Variants in CSGALNACT1 observed in about 807,000 individuals in gnomAD.
The protein encoded by CSGALNACT1 is beta4GalNAcT-1.
Under a neutral mutation model 51.0 loss-of-function variants are expected in CSGALNACT1, and 52 were observed. The observed-to-expected ratio is 1.02, with a 90% CI of 0.82 to 1.29. CSGALNACT1 has a LOEUF of 1.29. Among genes scored for constraint, CSGALNACT1 ranks in the 50% most tolerant of loss-of-function variants. The pLI is 0.00. For synonymous variants in CSGALNACT1, 341 were observed against 254.4 expected (o/e 1.34, Z -3.24); for missense variants, 935 against 679.2 (o/e 1.38, Z -4.19).
intron 6 of CSGALNACT1, among the ~76,000 whole-genome samples, chr8:19,436,840 G>T (rs1464648730): frequency 6.6e-6 from 1 of 152,232 alleles, no homozygotes; most frequent in African/African-American, 2.4e-5. Context: ...GAGCCCAGGA[G>T]TTGGAGGGTG....
At chr8:19,516,616 G>T (rs1305264825) in intron 3 of CSGALNACT1, among the ~76,000 whole-genome samples, 1 of 152,186 alleles carries the variant, frequency 6.6e-6, no homozygotes, top group Admixed American at 6.5e-5. Context: ...CCCCATCCCG[G>T]TGTGAGCCTT....
chr8:19,752,187 TAATA>T (rs1016937685), intron 1 of CSGALNACT1, among the ~76,000 whole-genome samples: 2 of 148,374 alleles, frequency 1.3e-5, no homozygotes, highest in African/African-American at 4.9e-5. Context: ...ATATCTTATA[TAATA>T]TATACTATAT....
At chr8:19,414,612 C>CT (rs1247626641) in intron 8 of CSGALNACT1, among the ~76,000 whole-genome samples, 2 of 152,050 alleles carry the variant, frequency 1.3e-5, no homozygotes, top group Non-Finnish European at 2.9e-5. Context: ...CACACACACA[C>CT]ACACTATCAT....
chr8:19,642,403 T>C (rs2056832354), intron 1 of CSGALNACT1, among the ~76,000 whole-genome samples: 1 of 151,650 alleles, frequency 6.6e-6, no homozygotes, highest in South Asian at 2.1e-4. Context: ...ATGAAACAGA[T>C]CAACAAAACT....
chr8:19,696,555 A>T (rs936473097), intron 1 of CSGALNACT1, among the ~76,000 whole-genome samples: 19 of 152,314 alleles, frequency 1.2e-4, no homozygotes, highest in African/African-American at 4.6e-4. Context: ...CAGTAGCTAC[A>T]GTGGTTATGA....
At chr8:19,649,378 T>G (rs1165879957) in intron 1 of CSGALNACT1, among the ~76,000 whole-genome samples, 1 of 152,176 alleles carries the variant, frequency 6.6e-6, no homozygotes, top group Non-Finnish European at 1.5e-5. Context: ...TCTCCCTGAA[T>G]CTTTGGTATT....
intron 4 of CSGALNACT1, among the ~76,000 whole-genome samples, chr8:19,495,728 G>A (rs140696700): frequency 9.6e-4 from 146 of 152,314 alleles, no homozygotes; most frequent in Middle Eastern, 6.8e-3. Flanking sequence ...AGAATGTGTA[G>A]CCTCCTCAGG....
rs140343710 is a variant in CSGALNACT1 at position 19,632,638 on chromosome 8, A to T, written c.-543-30773T>A. 1.4e-3 allele frequency among the ~76,000 whole-genome samples: 207 copies of T among 152,370 alleles called. 1 individual carries two copies. The highest frequency in any genetic ancestry group is 4.6e-3 in the African/African-American group (190 of 41,588). On this transcript the variant is annotated intron_variant, in intron 1 of 9. Transcript: ENST00000332246. ...TGTATTTCATATGGCAACATCGAAC[A>T]TAAGAAACTTCAAGTAAAACACTGA...
rs371461980 is a variant in CSGALNACT1, at chr8:19,524,643, T to G, written c.-296-18513A>C. On this transcript the variant is annotated intron_variant, in intron 3 of 9. Coordinates refer to ENST00000454498, the Ensembl canonical transcript of CSGALNACT1. ...GATTGATATAAATGCAATTATCCTG[T>G]GGAGTGGTGAGTCTAAGGAGGCTTC... Among the ~76,000 whole-genome samples the G allele has an allele frequency of 3.4e-4, 52 of 152,228 alleles. 1 individual carries two copies. Among genetic ancestry groups the G allele is most frequent in the African/African-American group, 1.2e-3 (48 of 41,534 alleles).
intron 3 of CSGALNACT1, among the ~76,000 whole-genome samples, chr8:19,557,624 C>A (rs1378733473): frequency 6.6e-6 from 1 of 152,156 alleles, no homozygotes; most frequent in Admixed American, 6.5e-5. Flanking sequence ...AAGGCCTATT[C>A]CTGTATTTTA....
At chr8:19,601,707 C>A in intron 2 of CSGALNACT1, 64 bp downstream of exon 2, 1 of 399,938 alleles carries the variant, frequency 2.5e-6, no homozygotes, top group Non-Finnish European at 5.0e-6. Flanking sequence ...CAAACACATC[C>A]AGAATATTGA....
intron 3 of CSGALNACT1, among the ~76,000 whole-genome samples, chr8:19,553,373 T>C (rs1417371629): frequency 6.6e-6 from 1 of 151,472 alleles, no homozygotes; most frequent in Non-Finnish European, 1.5e-5. Flanking sequence ...CCAATATGAG[T>C]GAACCAAAAT....
At chr8:19,462,863 C>G (rs1156915447) in intron 4 of CSGALNACT1, among the ~76,000 whole-genome samples, 2 of 151,760 alleles carry the variant, frequency 1.3e-5, no homozygotes, top group Non-Finnish European at 2.9e-5. Flanking sequence ...AGGTTTGTTA[C>G]ACAAGTAAAC....
At chr8:19,419,137 C>T (rs1352321637) in intron 7 of CSGALNACT1, among the ~76,000 whole-genome samples, 5 of 152,226 alleles carry the variant, frequency 3.3e-5, no homozygotes, top group South Asian at 2.1e-4. Flanking sequence ...TGAGCCACTG[C>T]GCCCGGCCTG....
chr8:19,565,184 A>G (rs2041646434), intron 3 of CSGALNACT1, among the ~76,000 whole-genome samples: 1 of 152,246 alleles, frequency 6.6e-6, no homozygotes, highest in African/African-American at 2.4e-5. Context: ...CTGAAATCCA[A>G]CTTTCATAAA....
exon 4 of CSGALNACT1, chr8:19,505,833 A>T (rs746259960): frequency 6.2e-7 from 1 of 1,610,476 alleles, no homozygotes; most frequent in South Asian, 1.1e-5. Flanking sequence ...AACCATCATC[A>T]TTCAGGAATC....
At chr8:19,625,438 G>A (rs755089315) in intron 1 of CSGALNACT1, among the ~76,000 whole-genome samples, 4 of 152,156 alleles carry the variant, frequency 2.6e-5, no homozygotes, top group African/African-American at 9.7e-5. Flanking sequence ...TAAAAAGTCA[G>A]GAGTTGACTC....
chr8:19,737,111 T>A (rs2064026358), intron 1 of CSGALNACT1, among the ~76,000 whole-genome samples: 1 of 152,190 alleles, frequency 6.6e-6, no homozygotes, highest in African/African-American at 2.4e-5. Flanking sequence ...TGAAAGTTAA[T>A]AACTTCCAAC....
intron 3 of CSGALNACT1, among the ~76,000 whole-genome samples, chr8:19,576,658 A>G (rs756494806): frequency 6.7e-6 from 1 of 149,456 alleles, no homozygotes; most frequent in Non-Finnish European, 1.5e-5. Context: ...ATCTCACCAC[A>G]TTATCCAGCA....
Sources: gnomAD v4.1 joint callset for allele counts (sites outside exome capture counted in the v4.1 genomes callset) on GRCh38, gnomAD v4.1.1 for gene constraint, MANE v1.5 for transcripts, NCBI Gene and HGNC (gene_info 2026-07-23, HGNC 2026-07-21) for gene names.